The following CNTN1 variants were observed in gnomAD, a reference collection of about 807,000 sequenced individuals.
The protein encoded by CNTN1 is contactin-1.
In CNTN1, 38 loss-of-function variants were observed where a neutral mutation model predicts 126.4. The observed-to-expected ratio is 0.30, with a 90% CI of 0.23 to 0.39. The LOEUF is 0.39. Among genes scored for constraint, CNTN1 ranks in the 10% least tolerant of loss-of-function variants. CNTN1 has a pLI of 1.00. For synonymous variants in CNTN1, 413 were observed against 422.6 expected, an observed-to-expected ratio of 0.98 and a Z score of 0.28; for missense variants, 1,009 against 1,248.4, an observed-to-expected ratio of 0.81 and a Z score of 2.89.
chr12:40,796,731 T>C (rs1565748492), intron 1 of CNTN1, among the ~76,000 whole-genome samples: 1 of 152,056 alleles, frequency 6.6e-6, no homozygotes, highest in Non-Finnish European at 1.5e-5. Context: ...AGGAGAGTCA[T>C]GGAGAAAATG....
At chr12:40,972,803 T>C (rs1202563589) in intron 15 of CNTN1, 5 of 224,222 alleles carry the variant, frequency 2.2e-5, no homozygotes, top group Non-Finnish European at 3.0e-5. Flanking sequence ...ATGAATCGTA[T>C]TAAGGGCATC....
rs1189822448 is a variant in CNTN1 at position 40,944,087 on chromosome 12, T to G, written c.1600T>G (p.Leu534Val). The change falls in exon 14 of 24, where the codon TTG becomes GTG. Residue 534 changes from leucine to valine, a missense_variant. Physicochemically the swap from Leu to Val is conservative, Grantham distance 32. Transcript: ENST00000551295. Reference protein sequence around the residue: ...MQCAASFDPALDLTFVWSFNG... With the variant: ...MQCAASFDPAVDLTFVWSFNG... ...GTGTGCTGCGTCCTTTGATCCTGCCTTGGATCTCACATTTGTTTGGTCCTT... is the reference window on the plus strand; with the variant it reads ...GTGTGCTGCGTCCTTTGATCCTGCCGTGGATCTCACATTTGTTTGGTCCTT... The G allele has an allele frequency of 6.2e-7, 1 of 1,613,596 alleles. No homozygotes were observed. Among genetic ancestry groups the G allele is most frequent in the East Asian group, 2.2e-5 (1 of 44,862 alleles).
chr12:40,830,791 G>GTATATATATATA (rs10592423), intron 1 of CNTN1, among the ~76,000 whole-genome samples: 2 of 75,830 alleles, frequency 2.6e-5, no homozygotes, highest in Non-Finnish European at 5.0e-5. Flanking sequence ...AAAGTATAGT[G>GTATATATATATA]TATATATATA....
chr12:40,849,528 A>G (rs1453063507), intron 1 of CNTN1, among the ~76,000 whole-genome samples: 2 of 152,040 alleles, frequency 1.3e-5, no homozygotes, highest in Non-Finnish European at 2.9e-5. Flanking sequence ...CCTAATAGCA[A>G]TCATGGAGCT....
At chr12:41,046,622 C>A (rs1252841616) in intron 23 of CNTN1, among the ~76,000 whole-genome samples, 9 of 151,936 alleles carry the variant, frequency 5.9e-5, no homozygotes, top group Non-Finnish European at 1.2e-4. Context: ...TTTCAGAAAT[C>A]CACAGACCAC....
rs1270533530 is a variant in CNTN1 at position 40,728,830 on chromosome 12, G to A, written c.-77+36238G>A. On this transcript the variant is annotated intron_variant, in intron 1 of 23. Transcript: ENST00000551295. ...GGCAGCATGGTGGCCAAGGAGACAG[G>A]TGGCTGGAGTCCCCAGGTCAATCTC... 3.3e-5 allele frequency: 5 copies of A among 152,268 alleles called. 1 individual carries two copies. The highest frequency in any genetic ancestry group is 1.2e-4 in the African/African-American group (5 of 41,452). 9.4% of individuals were successfully genotyped at this position (152,268 alleles called of 1,614,324 possible).
At chr12:40,975,444 A>G (rs1947647883) in intron 15 of CNTN1, among the ~76,000 whole-genome samples, 1 of 151,918 alleles carries the variant, frequency 6.6e-6, no homozygotes, top group Admixed American at 6.6e-5. Flanking sequence ...TTAAAAAGTG[A>G]CAGAAACAGG....
chr12:40,887,558 T>C (rs1204854962), intron 1 of CNTN1, among the ~76,000 whole-genome samples: 1 of 152,056 alleles, frequency 6.6e-6, no homozygotes, highest in Non-Finnish European at 1.5e-5. Context: ...ACTTTTACAC[T>C]GTTGGTGGGA....
intron 14 of CNTN1, among the ~76,000 whole-genome samples, chr12:40,950,384 A>G (rs539166860): frequency 5.3e-5 from 8 of 152,310 alleles, no homozygotes; most frequent in East Asian, 1.9e-4. Flanking sequence ...ACGAATAAAA[A>G]GAAACTAGAT....
chr12:40,976,563 A>C (rs749511398), intron 15 of CNTN1, among the ~76,000 whole-genome samples: 4 of 152,058 alleles, frequency 2.6e-5, no homozygotes, highest in East Asian at 1.9e-4. Context: ...AAAGAAAGAA[A>C]GAACTCAGGG....
chr12:40,825,003 C>T (rs1263105221), intron 1 of CNTN1, among the ~76,000 whole-genome samples: 5 of 152,180 alleles, frequency 3.3e-5, no homozygotes, highest in African/African-American at 1.2e-4. Flanking sequence ...TACTCTCCAA[C>T]AGTGTGGTGG....
At chr12:40,976,549 A>G (rs1161261367) in intron 15 of CNTN1, among the ~76,000 whole-genome samples, 2 of 151,976 alleles carry the variant, frequency 1.3e-5, no homozygotes, top group Admixed American at 1.3e-4. Context: ...AAAAGAAAAA[A>G]AAAAAAGAAA....
intron 6 of CNTN1, 112 bp downstream of exon 6, chr12:40,924,764 A>G (rs372134933): frequency 4.4e-6 from 3 of 688,528 alleles, no homozygotes; most frequent in Non-Finnish European, 8.1e-6. Context: ...TATTAATTAA[A>G]TGAGACTGAA....
chr12:41,060,549 T>C (rs1416236874), intron 23 of CNTN1, among the ~76,000 whole-genome samples: 1 of 152,174 alleles, frequency 6.6e-6, no homozygotes, highest in Non-Finnish European at 1.5e-5. Context: ...CTAACTTTGA[T>C]TGAGGCTGAG....
At chr12:41,043,491 A>C (rs1233267250) in intron 23 of CNTN1, among the ~76,000 whole-genome samples, 1 of 152,202 alleles carries the variant, frequency 6.6e-6, no homozygotes, top group East Asian at 1.9e-4. Flanking sequence ...TTAAAAAGTC[A>C]GGAAACAACA....
intron 18 of CNTN1, among the ~76,000 whole-genome samples, chr12:41,014,660 CA>C (rs1237517090): frequency 6.6e-6 from 1 of 152,138 alleles, no homozygotes; most frequent in Non-Finnish European, 1.5e-5. Context: ...AACTTTGTAT[CA>C]AAACCCATTT....
At chr12:40,933,040 T>C (rs1464327463) in intron 7 of CNTN1, among the ~76,000 whole-genome samples, 1 of 151,944 alleles carries the variant, frequency 6.6e-6, no homozygotes, top group African/African-American at 2.4e-5. Flanking sequence ...TTTATCTCTG[T>C]GGGCATTTCT....
Position 40,959,326 on chromosome 12 carries a change from T to G in CNTN1, c.1804+92T>G, listed in dbSNP as rs1395723573. 2.9e-6 allele frequency: 4 copies of G among 1,382,088 alleles called. No homozygotes were observed. The African/African-American group carries it at 4.3e-5, about 15-fold the overall frequency. The allele number at this position is 1,382,088 out of a possible 1,614,324, so 85.6% of individuals were successfully genotyped here. The stretch of plus-strand genomic sequence containing the variant: ...TTCTGGTAACTCTGGTGCAAATTCT[T>G]ACATATTTAGAGTCTCAATCCCATG... On this transcript the variant is annotated intron_variant, in intron 15 of 23. Coordinates refer to ENST00000551295, the MANE Select transcript of CNTN1 (RefSeq NM_001843.4).
At chr12:40,984,933 A>T (rs1947916834) in intron 16 of CNTN1, among the ~76,000 whole-genome samples, 1 of 152,116 alleles carries the variant, frequency 6.6e-6, no homozygotes, top group East Asian at 1.9e-4. Flanking sequence ...GATAGAAGAA[A>T]AAATAAGTAT....
Sources: allele counts gnomAD v4.1 joint callset (sites outside exome capture counted in the v4.1 genomes callset), GRCh38; gene constraint gnomAD v4.1.1; transcripts MANE v1.5; gene names NCBI Gene and HGNC (gene_info 2026-07-23, HGNC 2026-07-21).